The following TRIM3 variants were observed in gnomAD, a reference collection of about 807,000 sequenced individuals.
TRIM3 encodes the protein tripartite motif-containing protein 3.
TRIM3 carries 13 observed loss-of-function variants against 66.6 expected under a neutral mutation model. The ratio of observed to expected loss-of-function variants is 0.20; its 90% CI spans 0.13 to 0.31. The LOEUF is 0.31. TRIM3 is among the 10% of genes least tolerant of loss of function. The pLI is 1.00. For synonymous variants in TRIM3, 406 were observed against 411.7 expected, an observed-to-expected ratio of 0.99 and a Z score of 0.17; for missense variants, 711 against 1,020.4, an observed-to-expected ratio of 0.70 and a Z score of 4.13.
chr11:6,469,157 G>A (rs1850584150), intron 1 of TRIM3, among the ~76,000 whole-genome samples: 2 of 152,234 alleles, frequency 1.3e-5, no homozygotes, highest in African/African-American at 4.8e-5. Context: ...CCTCTGTCTG[G>A]TGAAGGGAAA....
At chr11:6,460,366 TAGAA>T (rs1214845565) in intron 2 of TRIM3, among the ~76,000 whole-genome samples, 1 of 152,078 alleles carries the variant, frequency 6.6e-6, no homozygotes, top group African/African-American at 2.4e-5. Flanking sequence ...TGGATGGTGC[TAGAA>T]AGAGTTTTTA....
chr11:6,474,019 C>T (rs1254506752), upstream of TRIM3: 1 of 150,704 alleles, frequency 6.6e-6, no homozygotes, highest in Non-Finnish European at 1.5e-5. Context: ...CCCACCCACG[C>T]CCCGCCCGCC....
chr11:6,459,031 G>T (rs897780802), intron 2 of TRIM3, among the ~76,000 whole-genome samples: 11 of 152,288 alleles, frequency 7.2e-5, no homozygotes, highest in Non-Finnish European at 1.5e-4. Context: ...ATTAATATAA[G>T]GAATGATAGA....
Position 6,457,183 on chromosome 11 carries a change from G to A in TRIM3, c.696+113C>T. On this transcript the variant is annotated intron_variant, in intron 5 of 11. Coordinates refer to ENST00000345851, the MANE Select transcript of TRIM3 (RefSeq NM_033278.4). The surrounding 1 kb of genome is among the most constrained non-coding windows in gnomAD (Gnocchi z 4.5). ...AGCACCTACCGAGGGCATGTCAGGA[G>A]GCAGAATATCTAGGCTGGGGAATGG... The A allele has an allele frequency of 6.6e-7, 1 of 1,525,464 alleles. No individual in the cohort carries two copies. Among genetic ancestry groups the A allele is most frequent in the Non-Finnish European group, 8.9e-7 (1 of 1,127,868 alleles). The allele number at this position is 1,525,464 out of a possible 1,614,324, so 94.5% of individuals were successfully genotyped here.
At chr11:6,464,079 A>G (rs988112908) in intron 2 of TRIM3, among the ~76,000 whole-genome samples, 6 of 152,172 alleles carry the variant, frequency 3.9e-5, no homozygotes, top group African/African-American at 1.4e-4. Flanking sequence ...ACAATGAGAG[A>G]TAAGGGCCCA....
intron 2 of TRIM3, among the ~76,000 whole-genome samples, chr11:6,460,046 G>T (rs1421088446): frequency 6.6e-6 from 1 of 152,204 alleles, no homozygotes; most frequent in Non-Finnish European, 1.5e-5. Context: ...AAGAGAGAGG[G>T]ACAGAGCACT....
In TRIM3 at chr11:6,457,361, C is replaced by T. The variant is rs1347684851; in HGVS notation, c.631G>A (p.Ala211Thr). Residue 211 changes from alanine (A) to threonine (T), a missense_variant, in exon 5 of 12, where the codon GCA (alanine) becomes ACA (threonine). Ala to Thr is a moderately conservative substitution (Grantham distance 58). Transcript: ENST00000345851. This position sits in a 1 kb window ranked among gnomAD's most constrained non-coding sequence, Gnocchi z 4.5. ...ISAAFEDLEQ[A>T]LQQRKQALVS... The stretch of plus-strand genomic sequence containing the variant: ...AGAGCCTGCTTGCGCTGCTGCAGTG[C>T]TTGCTCCAGGTCCTCGAACGCTGCA... 2.5e-6 allele frequency: 4 copies of T among 1,613,848 alleles called. No individual in the cohort carries two copies. The African/African-American group carries it at 5.3e-5, about 22-fold the overall frequency.
chr11:6,467,437 G>A (rs1312008914), intron 1 of TRIM3, among the ~76,000 whole-genome samples: 2 of 152,164 alleles, frequency 1.3e-5, no homozygotes, highest in Non-Finnish European at 2.9e-5. Flanking sequence ...GATAGGTAGA[G>A]ATGAGATCAT....
chr11:6,460,649 G>C (rs1850185780), intron 2 of TRIM3, among the ~76,000 whole-genome samples: 1 of 152,144 alleles, frequency 6.6e-6, no homozygotes, highest in African/African-American at 2.4e-5. Context: ...AGTGATGGGA[G>C]AGCAGAGGAC....
chr11:6,450,831 A>G lies in TRIM3; in HGVS notation c.1870+61T>C, dbSNP rs748102504. 5 of 1,599,624 alleles carry G rather than the reference A, an allele frequency of 3.1e-6. No homozygotes were observed. The highest frequency in any genetic ancestry group is 4.3e-6 in the Non-Finnish European group (5 of 1,170,160). On this transcript the variant is annotated intron_variant, in intron 9 of 11. Transcript: ENST00000345851. The surrounding 1 kb of genome is among the most constrained non-coding windows in gnomAD (Gnocchi z 4.8). ...AGGAGAGGGCCTTTACAGCTGGGGT[A>G]TCTAGGGGAGTTCTCTGGAACAGGG...
At chr11:6,470,479 C>A (rs1455809991) in intron 1 of TRIM3, among the ~76,000 whole-genome samples, 1 of 152,188 alleles carries the variant, frequency 6.6e-6, no homozygotes, top group Non-Finnish European at 1.5e-5. Flanking sequence ...TCATAGCTCA[C>A]TGTAGCCTCA....
chr11:6,463,162 G>A (rs1206428112), intron 2 of TRIM3, among the ~76,000 whole-genome samples: 3 of 151,916 alleles, frequency 2.0e-5, no homozygotes, highest in African/African-American at 4.8e-5. Context: ...CCAAGATGGC[G>A]CCACTGCACT....
chr11:6,471,108 A>T (rs1850671488), intron 1 of TRIM3, among the ~76,000 whole-genome samples: 1 of 152,234 alleles, frequency 6.6e-6, no homozygotes, highest in Non-Finnish European at 1.5e-5. Context: ...GGACATCTGC[A>T]AAGGATGTGT....
chr11:6,465,918 C>T (rs910033070), intron 1 of TRIM3, among the ~76,000 whole-genome samples, 186 bp from the exon 2 acceptor site: 15 of 152,190 alleles, frequency 9.9e-5, no homozygotes, highest in African/African-American at 3.4e-4. Context: ...AGAGCACAGA[C>T]GTAGGATTAG....
chr11:6,456,940 G>A lies in TRIM3; in HGVS notation c.786C>T (p.Gly262=), dbSNP rs1203919141. Residue 262 remains glycine (G), a synonymous_variant, in exon 6 of 12, where the codon GGC becomes GGT. Coordinates refer to ENST00000345851, the MANE Select transcript of TRIM3 (RefSeq NM_033278.4). This position sits in a 1 kb window ranked among gnomAD's most constrained non-coding sequence, Gnocchi z 6.4. ...GCACCAGCAACACCTCCGGGGCCGA[G>A]CCCAGGCGCAGTGCCTGCTCTGCAA... The part of the protein sequence containing the change: ...CSFAEQALRL[G]SAPEVLLVRK... 1 of 1,610,498 alleles carries A rather than the reference G, an allele frequency of 6.2e-7. No individual in the cohort carries two copies. The highest frequency in any genetic ancestry group is 2.2e-5 in the East Asian group (1 of 44,876).
Position 6,450,897 on chromosome 11 carries a change from A to G in TRIM3, c.1865T>C (p.Phe622Ser). ...FGGRGATDRH[F>S]AGPHFVAVNN... ...TTGGAGCTGTCCCCCTATACCTGCAAAGTGGCGGTCAGTGGCCCCACGGCC... is the reference window on the plus strand; with the variant it reads ...TTGGAGCTGTCCCCCTATACCTGCAGAGTGGCGGTCAGTGGCCCCACGGCC... The change falls in exon 9 of 12, where the codon TTT (phenylalanine) becomes TCT (serine). Residue 622 changes from phenylalanine (F) to serine (S), a missense_variant. This residue lies in a region of TRIM3 where 163 missense variants were observed against 321.9 expected (regional missense o/e 0.51). Coordinates refer to ENST00000345851, the MANE Select transcript of TRIM3 (RefSeq NM_033278.4). The surrounding 1 kb of genome is among the most constrained non-coding windows in gnomAD (Gnocchi z 4.8). 1 of 1,614,184 alleles carries G rather than the reference A, an allele frequency of 6.2e-7. No individual in the cohort carries two copies. The highest frequency in any genetic ancestry group is 8.5e-7 in the Non-Finnish European group (1 of 1,180,016).
chr11:6,467,398 T>A (rs1037486408), intron 1 of TRIM3, among the ~76,000 whole-genome samples: 2 of 152,050 alleles, frequency 1.3e-5, no homozygotes, highest in Non-Finnish European at 2.9e-5. Flanking sequence ...TGGAGCCAAG[T>A]CAATAAAAGG....
rs1011582151 is a variant in TRIM3 at position 6,473,797 on chromosome 11, G to A, written c.-44C>T. The A allele has an allele frequency of 2.0e-5, 3 of 152,348 alleles. No individual in the cohort carries two copies. In the East Asian group the frequency reaches 5.8e-4, roughly 29 times the overall value. 9.4% of individuals were successfully genotyped at this position (152,348 alleles called of 1,614,324 possible). ...GCCCGCCCGTCGCACTCACCGCGTT[G>A]GAACAGGATGCGAGGGCAAAGCTCG... is the stretch of plus-strand genomic sequence containing the variant. On this transcript the variant is annotated 5_prime_UTR_variant, in exon 1 of 12. Transcript: ENST00000345851.
intron 7 of TRIM3, chr11:6,451,650 G>A: frequency 8.7e-6 from 5 of 577,614 alleles, no homozygotes; most frequent in East Asian, 3.0e-5. Flanking sequence ...AGGGATGAAG[G>A]GGAATGGTGA....
Sources: allele counts gnomAD v4.1 joint callset (sites outside exome capture counted in the v4.1 genomes callset), GRCh38; gene constraint gnomAD v4.1.1; regional missense constraint gnomAD v4.1.1; non-coding constraint Gnocchi (gnomAD v3.1); transcripts MANE v1.5; gene names NCBI Gene and HGNC (gene_info 2026-07-23, HGNC 2026-07-21).